The following ITGAE variants were observed in gnomAD, a reference collection of about 807,000 sequenced individuals.
ITGAE encodes the protein integrin alpha-E.
In ITGAE, 99 loss-of-function variants were observed where a neutral mutation model predicts 136.5. The observed-to-expected ratio is 0.73, with a 90% confidence interval of 0.62 to 0.86. The LOEUF is 0.86. Among genes scored for constraint, ITGAE ranks in the 40% least tolerant of loss-of-function variants. The probability of loss-of-function intolerance (pLI) is 0.00; values close to 1 mark genes in which losing one functional copy is unlikely to be tolerated. For missense variants in ITGAE, 1,447 were observed against 1,515.3 expected, an observed-to-expected ratio of 0.95 and a Z score of 0.75; for synonymous variants, 613 against 591.8, an observed-to-expected ratio of 1.04 and a Z score of -0.52.
At chr17:3,796,060 TGC>T (rs1445712836) in intron 1 of ITGAE, among the ~76,000 whole-genome samples, 1 of 121,206 alleles carries the variant, frequency 8.3e-6, no homozygotes, top group Non-Finnish European at 1.8e-5. Context: ...TCTGTGTGTG[TGC>T]ATCCGTGTTT....
At chr17:3,800,571 C>T (rs554861343) in intron 1 of ITGAE, among the ~76,000 whole-genome samples, 9 of 152,266 alleles carry the variant, frequency 5.9e-5, no homozygotes, top group East Asian at 1.9e-4. Context: ...GTGCCTCCCC[C>T]CACCCCACAT....
chr17:3,723,611 A>G, intron 27 of ITGAE, 77 bp downstream of exon 27: 1 of 1,420,260 alleles, frequency 7.0e-7, no homozygotes, highest in Non-Finnish European at 9.5e-7. Flanking sequence ...TAACCCAGGA[A>G]AAACAGTCTC....
chr17:3,792,407 G>A (rs1310132755), intron 1 of ITGAE, among the ~76,000 whole-genome samples: 3 of 152,180 alleles, frequency 2.0e-5, no homozygotes, highest in Non-Finnish European at 2.9e-5. Context: ...GTGAGCCACC[G>A]CGCCCGGCCT....
At chr17:3,741,546 C>T (rs1005028252) in intron 19 of ITGAE, among the ~76,000 whole-genome samples, 18 of 152,006 alleles carry the variant, frequency 1.2e-4, no homozygotes, top group African/African-American at 3.4e-4. Context: ...CCATTTTATA[C>T]GGGGAATAAC....
intron 6 of ITGAE, among the ~76,000 whole-genome samples, chr17:3,760,782 G>A (rs970706165): frequency 3.3e-5 from 5 of 152,044 alleles, no homozygotes; most frequent in African/African-American, 1.2e-4. Flanking sequence ...AAGAGAGCTA[G>A]AACCTGGTCA....
intron 2 of ITGAE, among the ~76,000 whole-genome samples, chr17:3,767,047 A>G (rs2052316359): frequency 6.6e-6 from 1 of 151,090 alleles, no homozygotes. Context: ...CTCATGCCCT[A>G]CATCCAATCC....
chr17:3,800,363 C>T (rs1030839972), intron 1 of ITGAE, among the ~76,000 whole-genome samples: 1 of 152,106 alleles, frequency 6.6e-6, no homozygotes, highest in African/African-American at 2.4e-5. Flanking sequence ...TGAGCAGGGG[C>T]AGGAGACCCA....
At chr17:3,719,554 C>G (rs2051009234) in intron 29 of ITGAE, among the ~76,000 whole-genome samples, 1 of 152,164 alleles carries the variant, frequency 6.6e-6, no homozygotes, top group African/African-American at 2.4e-5. Flanking sequence ...AGTCTGACTT[C>G]TAGTCATACT....
intron 1 of ITGAE, among the ~76,000 whole-genome samples, chr17:3,795,774 C>T (rs28514715): frequency 0.69 from 102,136 of 148,302 alleles, 35,091 homozygotes; most frequent in Admixed American, 0.78. Flanking sequence ...TGTGTACGTG[C>T]GTGTGTGCAT....
chr17:3,799,503 C>G lies in ITGAE; in HGVS notation c.34+1608G>C, dbSNP rs1176157924. Among the ~76,000 whole-genome samples, 1 of 152,168 alleles carries G rather than the reference C, an allele frequency of 6.6e-6. No individual in the cohort carries two copies. Among genetic ancestry groups the G allele is most frequent in the South Asian group, 2.1e-4 (1 of 4,828 alleles). ...GAGGCTAAAGGAGACAGATGAGCCA[C>G]AGGAGTATTCTGGAGCTGGGAGGCA... On this transcript the variant is annotated intron_variant, in intron 1 of 30. Transcript: ENST00000263087. The surrounding 1 kb of genome is among the most constrained non-coding windows in gnomAD (Gnocchi z 4.1).
chr17:3,785,973 C>T (rs1271793900), intron 1 of ITGAE, among the ~76,000 whole-genome samples: 2 of 151,976 alleles, frequency 1.3e-5, no homozygotes, highest in South Asian at 4.2e-4. Flanking sequence ...CGAGACCGTC[C>T]TGGCTAACAC....
intron 19 of ITGAE, among the ~76,000 whole-genome samples, chr17:3,742,708 G>A (rs1319347075): frequency 3.3e-5 from 5 of 152,056 alleles, no homozygotes; most frequent in African/African-American, 4.8e-5. Context: ...GCAATGGCAC[G>A]GCCTTGGCTC....
chr17:3,796,008 T>C (rs905582127), intron 1 of ITGAE, among the ~76,000 whole-genome samples: 5 of 149,036 alleles, frequency 3.4e-5, no homozygotes, highest in Non-Finnish European at 7.4e-5. Flanking sequence ...CATCCGTGTG[T>C]GCATCCATGT....
chr17:3,740,401 G>A (rs1411688730), intron 19 of ITGAE, among the ~76,000 whole-genome samples: 3 of 152,116 alleles, frequency 2.0e-5, no homozygotes, highest in African/African-American at 7.2e-5. Context: ...TTTTCAGATG[G>A]AGTCTCGCTC....
chr17:3,746,043 G>T, intron 17 of ITGAE, 116 bp from the exon 18 acceptor site: 1 of 886,602 alleles, frequency 1.1e-6, no homozygotes, highest in Non-Finnish European at 1.7e-6. Context: ...CCCCATGCAG[G>T]TACTTCCCTG....
chr17:3,719,799 C>T lies in ITGAE; in HGVS notation c.3333+508G>A, dbSNP rs143147515. ...CTGGAGTGGAGTGGTGTGATCTCGG[C>T]TCACTGCAACCTCTGCCTCCCAGAT... On this transcript the variant is annotated intron_variant, in intron 29 of 30. Transcript: ENST00000263087. Among the ~76,000 whole-genome samples, 419 of 149,470 alleles carry T rather than the reference C, an allele frequency of 2.8e-3. 3 individuals carry two copies. Among genetic ancestry groups the T allele is most frequent in the African/African-American group, 9.8e-3 (399 of 40,524 alleles).
intron 3 of ITGAE, among the ~76,000 whole-genome samples, chr17:3,762,342 TGTAA>T (rs2052193740): frequency 6.6e-6 from 1 of 152,120 alleles, no homozygotes; most frequent in Admixed American, 6.6e-5. Context: ...CTGGTGGGTA[TGTAA>T]GTGCCAAGGA....
At chr17:3,796,854 T>TGGGGCATGATTTGCCCAC (rs1016748521) in intron 1 of ITGAE, among the ~76,000 whole-genome samples, 7 of 152,164 alleles carry the variant, frequency 4.6e-5, no homozygotes, top group South Asian at 4.1e-4. Flanking sequence ...CCGAGGCCCA[T>TGGGGCATGATTTGCCCAC]GGGGCATGAT....
chr17:3,725,056 C>G (rs750702517), intron 26 of ITGAE: 5 of 1,614,132 alleles, frequency 3.1e-6, no homozygotes, highest in Non-Finnish European at 3.4e-6. Context: ...GACCTGACTC[C>G]TTTACAGAAT....
Sources: allele counts gnomAD v4.1 joint callset (sites outside exome capture counted in the v4.1 genomes callset), GRCh38; gene constraint gnomAD v4.1.1; non-coding constraint Gnocchi (gnomAD v3.1); transcripts MANE v1.5; gene names NCBI Gene and HGNC (gene_info 2026-07-23, HGNC 2026-07-21).